Variants in KLHL1 observed in about 807,000 individuals in gnomAD.
The protein encoded by KLHL1 is kelch-like protein 1.
A neutral mutation model predicts 77.7 loss-of-function variants in KLHL1; 47 were observed. The observed-to-expected ratio is 0.60, with a 90% CI of 0.48 to 0.77. The LOEUF is 0.77. Among genes scored for constraint, KLHL1 ranks in the 30% least tolerant of loss-of-function variants. KLHL1 has a pLI of 0.00. For missense variants in KLHL1, 925 were observed against 910.8 expected (o/e 1.02, Z -0.20); for synonymous variants, 360 against 325.2 (o/e 1.11, Z -1.15).
intron 4 of KLHL1, among the ~76,000 whole-genome samples, chr13:69,892,387 C>A (rs1477328768): frequency 6.6e-6 from 1 of 152,016 alleles, no homozygotes; most frequent in Non-Finnish European, 1.5e-5. Flanking sequence ...ATTTCCAGTG[C>A]TTGATGAAAG....
intron 3 of KLHL1, among the ~76,000 whole-genome samples, chr13:69,940,792 C>CAAAA (rs374717086): frequency 4.4e-5 from 3 of 67,696 alleles, no homozygotes; most frequent in Non-Finnish European, 8.6e-5. Context: ...ATCTTAAAGG[C>CAAAA]AAAAAAAAAA....
At chr13:69,967,185 C>T (rs1014270019) in intron 2 of KLHL1, among the ~76,000 whole-genome samples, 6 of 152,092 alleles carry the variant, frequency 3.9e-5, no homozygotes, top group African/African-American at 1.4e-4. Flanking sequence ...AATAAGTCTC[C>T]AGATGCTGTA....
chr13:69,754,456 C>A (rs1874620595), intron 7 of KLHL1, among the ~76,000 whole-genome samples: 1 of 152,028 alleles, frequency 6.6e-6, no homozygotes, highest in African/African-American at 2.4e-5. Context: ...ATTTGAAGCT[C>A]AATAAATTTT....
At chr13:69,950,963 T>C (rs1164501243) in intron 3 of KLHL1, among the ~76,000 whole-genome samples, 2 of 151,628 alleles carry the variant, frequency 1.3e-5, no homozygotes, top group East Asian at 3.9e-4. Flanking sequence ...TAGTGTTATA[T>C]GTATATTTAA....
intron 6 of KLHL1, among the ~76,000 whole-genome samples, chr13:69,808,551 TA>T (rs71704752): frequency 0.35 from 52,827 of 151,134 alleles, 9,390 homozygotes; most frequent in African/African-American, 0.38. Context: ...AAAAACAGAA[TA>T]AAAAAATCAA....
chr13:69,814,950 G>A (rs1201270881), intron 6 of KLHL1, among the ~76,000 whole-genome samples: 1 of 152,096 alleles, frequency 6.6e-6, no homozygotes, highest in Non-Finnish European at 1.5e-5. Flanking sequence ...GGCGGAGGTT[G>A]CAGTGAGCCG....
At chr13:69,892,036 T>C (rs1881440398) in intron 4 of KLHL1, among the ~76,000 whole-genome samples, 1 of 152,104 alleles carries the variant, frequency 6.6e-6, no homozygotes, top group Non-Finnish European at 1.5e-5. Context: ...ATTAGAGTAG[T>C]AGTATTTATT....
At chr13:70,039,343 C>T (rs1393421982) in intron 1 of KLHL1, among the ~76,000 whole-genome samples, 2 of 152,084 alleles carry the variant, frequency 1.3e-5, no homozygotes, top group Admixed American at 1.3e-4. Context: ...CATGGCCTCT[C>T]AAAGTGCTGG....
rs116467383 is a variant in KLHL1, at chr13:69,764,279, C to A, written c.1640-23723G>T. Reference sequence around the variant, plus strand: ...CCAGCTGTCACCAATCAAGTTGTTTCCATACACTGTTTTCTGTACATCACT... The same window carrying A: ...CCAGCTGTCACCAATCAAGTTGTTTACATACACTGTTTTCTGTACATCACT... On this transcript the variant is annotated intron_variant, in intron 7 of 10. Transcript: ENST00000377844. 8.6e-3 allele frequency among the ~76,000 whole-genome samples: 1,306 copies of A among 152,294 alleles called. 9 individuals are homozygous for A. The highest frequency in any genetic ancestry group is 0.03 in the African/African-American group (1,242 of 41,564).
intron 7 of KLHL1, among the ~76,000 whole-genome samples, chr13:69,784,343 T>G (rs1876397776): frequency 6.6e-6 from 1 of 150,658 alleles, no homozygotes; most frequent in Non-Finnish European, 1.5e-5. Context: ...AATGTTAACT[T>G]TAAATGTAAA....
intron 3 of KLHL1, among the ~76,000 whole-genome samples, chr13:69,947,438 G>T (rs897898660): frequency 3.3e-5 from 5 of 151,692 alleles, no homozygotes; most frequent in African/African-American, 7.3e-5. Context: ...TAACTTACAG[G>T]GTTTTTACGA....
chr13:69,913,436 G>A (rs1327963809), intron 4 of KLHL1, among the ~76,000 whole-genome samples: 4 of 152,142 alleles, frequency 2.6e-5, no homozygotes, highest in Non-Finnish European at 4.4e-5. Context: ...TTCCTCATAC[G>A]CAGGCACTTA....
chr13:69,831,982 A>C (rs1025440166), intron 6 of KLHL1, among the ~76,000 whole-genome samples: 3 of 150,204 alleles, frequency 2.0e-5, no homozygotes, highest in Non-Finnish European at 4.4e-5. Flanking sequence ...GCAGACCCAC[A>C]GTCAACATTA....
chr13:70,062,827 T>C (rs1202946214), intron 1 of KLHL1, among the ~76,000 whole-genome samples: 1 of 152,196 alleles, frequency 6.6e-6, no homozygotes, highest in Non-Finnish European at 1.5e-5. Context: ...TATATTTTAG[T>C]TATATGAACA....
At chr13:70,104,133 C>T (rs1319463691) in intron 1 of KLHL1, among the ~76,000 whole-genome samples, 2 of 152,038 alleles carry the variant, frequency 1.3e-5, no homozygotes, top group African/African-American at 2.4e-5. Context: ...ATATCCACAA[C>T]AAAAATATAT....
chr13:69,891,533 T>C (rs1333386103), intron 4 of KLHL1, among the ~76,000 whole-genome samples: 1 of 152,036 alleles, frequency 6.6e-6, no homozygotes, highest in Non-Finnish European at 1.5e-5. Flanking sequence ...GAAATAGCAT[T>C]GACTTTTTAA....
chr13:69,920,673 C>A (rs545545151), intron 4 of KLHL1, among the ~76,000 whole-genome samples: 2 of 150,252 alleles, frequency 1.3e-5, no homozygotes, highest in African/African-American at 4.8e-5. Context: ...TGCAGATATA[C>A]CTTTTCATAC....
intron 1 of KLHL1, among the ~76,000 whole-genome samples, chr13:69,992,425 G>T (rs1298312900): frequency 6.6e-6 from 1 of 151,926 alleles, no homozygotes; most frequent in Non-Finnish European, 1.5e-5. Flanking sequence ...AAAGGAAGCT[G>T]AACCACCTGA....
intron 1 of KLHL1, among the ~76,000 whole-genome samples, chr13:70,090,354 T>C (rs965934609): frequency 5.9e-5 from 9 of 152,018 alleles, no homozygotes; most frequent in African/African-American, 2.2e-4. Flanking sequence ...TGAGGGCTTT[T>C]TAATAATGAG....
Sources: allele counts gnomAD v4.1 joint callset (sites outside exome capture counted in the v4.1 genomes callset), GRCh38; gene constraint gnomAD v4.1.1; transcripts MANE v1.5; gene names NCBI Gene and HGNC (gene_info 2026-07-23, HGNC 2026-07-21).